Variants in CHL1 observed in about 807,000 individuals in gnomAD.
CHL1 encodes the protein neural cell adhesion molecule L1-like protein.
In CHL1, 96 loss-of-function variants were observed where a neutral mutation model predicts 141.9. The observed-to-expected ratio is 0.68, with a 90% CI of 0.57 to 0.80. CHL1 has a LOEUF of 0.80. CHL1 is among the 30% of genes least tolerant of loss of function. CHL1 has a pLI of 0.00. For missense variants in CHL1, 1,820 were observed against 1,457.2 expected (o/e 1.25, Z -4.05); for synonymous variants, 613 against 502.2 (o/e 1.22, Z -2.95).
chr3:329,205 C>T (rs762687607), intron 5 of CHL1, among the ~76,000 whole-genome samples: 5 of 152,044 alleles, frequency 3.3e-5, no homozygotes, highest in African/African-American at 7.2e-5. Context: ...TAGCCAAAGC[C>T]TTTATAGAGT....
intron 2 of CHL1, among the ~76,000 whole-genome samples, chr3:313,069 T>A (rs1007212156): frequency 1.3e-5 from 2 of 152,140 alleles, no homozygotes; most frequent in African/African-American, 4.8e-5. Flanking sequence ...GTAGCATGCT[T>A]TTTTTTCCCT....
chr3:242,741 A>G (rs931852430), intron 1 of CHL1, among the ~76,000 whole-genome samples: 2 of 152,200 alleles, frequency 1.3e-5, no homozygotes, highest in African/African-American at 2.4e-5. Flanking sequence ...ACTTACATAC[A>G]TGATTAATGT....
intron 1 of CHL1, among the ~76,000 whole-genome samples, chr3:228,483 AC>A (rs1318743820): frequency 2.7e-5 from 4 of 149,934 alleles, no homozygotes; most frequent in East Asian, 3.9e-4. Flanking sequence ...ATGTGTACAC[AC>A]ACACACACAC....
chr3:199,373 G>C (rs1698715801), intron 1 of CHL1, among the ~76,000 whole-genome samples: 1 of 152,168 alleles, frequency 6.6e-6, no homozygotes, highest in African/African-American at 2.4e-5. Context: ...ATGTTTCCCA[G>C]ATTGTTATCT....
At chr3:205,103 TC>T (rs1699295332) in intron 1 of CHL1, among the ~76,000 whole-genome samples, 2 of 49,814 alleles carry the variant, frequency 4.0e-5, no homozygotes, top group African/African-American at 1.1e-4. Flanking sequence ...TTTCTTTCTT[TC>T]TTTTTTTTTT....
intron 1 of CHL1, among the ~76,000 whole-genome samples, chr3:220,057 GA>G (rs1299673102): frequency 6.6e-6 from 1 of 152,144 alleles, no homozygotes; most frequent in Admixed American, 6.5e-5. Context: ...TATGCTAGGT[GA>G]AAGAAAGTTA....
intron 2 of CHL1, among the ~76,000 whole-genome samples, chr3:318,587 T>C (rs1700313754): frequency 6.6e-6 from 1 of 151,678 alleles, no homozygotes; most frequent in South Asian, 2.1e-4. Context: ...CCTTAATTCT[T>C]ATTCTATTTC....
chr3:289,931 C>A, intron 2 of CHL1, among the ~76,000 whole-genome samples: 1 of 102,762 alleles, frequency 9.7e-6, no homozygotes, highest in Non-Finnish European at 1.9e-5. Context: ...CCACTGGTAT[C>A]TTTTTTTTTT....
chr3:227,320 G>A (rs1041646712), intron 1 of CHL1, among the ~76,000 whole-genome samples: 13 of 152,172 alleles, frequency 8.5e-5, no homozygotes, highest in African/African-American at 3.1e-4. Flanking sequence ...CAAAGTTGGG[G>A]TCTAGAATAC....
chr3:316,470 TG>T (rs1046572565), intron 2 of CHL1, among the ~76,000 whole-genome samples: 3 of 151,964 alleles, frequency 2.0e-5, no homozygotes, highest in Admixed American at 6.6e-5. Context: ...TTGGCAGGGA[TG>T]TTTTTTTTCC....
chr3:207,047 A>T (rs1699505509), intron 1 of CHL1, among the ~76,000 whole-genome samples: 3 of 152,212 alleles, frequency 2.0e-5, no homozygotes, highest in African/African-American at 7.2e-5. Flanking sequence ...CACTGTCTTT[A>T]TTAGCAGCCG....
At chr3:323,104 A>G (rs4685586) in intron 3 of CHL1, among the ~76,000 whole-genome samples, 2 of 151,870 alleles carry the variant, frequency 1.3e-5, no homozygotes, top group Non-Finnish European at 2.9e-5. Context: ...GCTGGACATC[A>G]TCTTTACTTT....
At chr3:281,432 G>C (rs1448033001) in intron 2 of CHL1, among the ~76,000 whole-genome samples, 1 of 152,074 alleles carries the variant, frequency 6.6e-6, no homozygotes, top group Non-Finnish European at 1.5e-5. Flanking sequence ...TTGTGGTCAT[G>C]TCGGTTCTCC....
rs71058760 is a variant in CHL1, at chr3:252,361, G to GATATATATATATATAT, written c.-95+7694_-95+7709dup. On this transcript the variant is annotated intron_variant, in intron 2 of 27. Coordinates refer to ENST00000256509, the MANE Select transcript of CHL1 (RefSeq NM_006614.4). Reference sequence around the variant, plus strand: ...AGCCACAGATTTAAGAAAGCATCCAGATATATATATATATATATATATATA... The same window carrying GATATATATATATATAT: ...AGCCACAGATTTAAGAAAGCATCCAGATATATATATATATATATATATATATATATATATATATATA... Among the ~76,000 whole-genome samples, 4 of 54,284 alleles carry GATATATATATATATAT rather than the reference G, an allele frequency of 7.4e-5. 1 individual carries two copies. The highest frequency in any genetic ancestry group is 1.0e-3 in the East Asian group (1 of 994). The allele number at this position is 54,284 out of a possible 152,430, so 35.6% of individuals were successfully genotyped here.
At chr3:344,910 G>A (rs1349194701) in intron 9 of CHL1, among the ~76,000 whole-genome samples, 1 of 152,154 alleles carries the variant, frequency 6.6e-6, no homozygotes, top group African/African-American at 2.4e-5. Flanking sequence ...GATTGCTTGA[G>A]CCCAGGAGTT....
chr3:242,016 A>C (rs1692620582), intron 1 of CHL1, among the ~76,000 whole-genome samples: 1 of 152,182 alleles, frequency 6.6e-6, no homozygotes, highest in Admixed American at 6.5e-5. Context: ...ATAGTAGTGT[A>C]TTGTGTATAT....
chr3:326,216 A>C, intron 4 of CHL1, 152 bp downstream of exon 4: 1 of 494,924 alleles, frequency 2.0e-6, no homozygotes, highest in South Asian at 4.5e-5. Context: ...AAACAAAAAA[A>C]AAATTTGGTT....
chr3:209,648 T>A (rs775256298), intron 1 of CHL1, among the ~76,000 whole-genome samples: 1 of 152,210 alleles, frequency 6.6e-6, no homozygotes, highest in Non-Finnish European at 1.5e-5. Flanking sequence ...ATGTGCCATG[T>A]TGGTGTGCTG....
intron 2 of CHL1, among the ~76,000 whole-genome samples, chr3:268,845 A>T (rs1173840477): frequency 6.6e-6 from 1 of 152,146 alleles, no homozygotes; most frequent in Admixed American, 6.5e-5. Context: ...AATTCACTCT[A>T]CCTCTCTTCC....
Sources: allele counts gnomAD v4.1 joint callset (sites outside exome capture counted in the v4.1 genomes callset), GRCh38; gene constraint gnomAD v4.1.1; transcripts MANE v1.5; gene names NCBI Gene and HGNC (gene_info 2026-07-23, HGNC 2026-07-21).